Variants in H4C11 observed in about 807,000 individuals in gnomAD.
The protein encoded by H4C11 is H4 clustered histone 11, also known as histone H4.
Under a neutral mutation model 4.2 loss-of-function variants are expected in H4C11, and 1 was observed. The ratio of observed to expected loss-of-function variants is 0.24; its 90% CI spans 0.09 to 1.14. H4C11 has a LOEUF of 1.14. Ranked by LOEUF, H4C11 falls within the 50% of genes most tolerant of loss-of-function variation. The pLI, the probability that H4C11 is intolerant of heterozygous loss-of-function variation, is 0.52. For synonymous variants in H4C11, 95 were observed against 66.9 expected (o/e 1.42, Z -2.05); for missense variants, 73 against 157.7 (o/e 0.46, Z 2.88).
rs201673306 is a variant in H4C11 at position 27,824,447 on chromosome 6, C to T, written c.*11C>T. 2,073 of 1,606,854 alleles carry T rather than the reference C, an allele frequency of 1.3e-3. 5 individuals are homozygous for T. Among genetic ancestry groups the T allele is most frequent in the Non-Finnish European group, 1.5e-3 (1,821 of 1,177,384 alleles). On this transcript the variant is annotated 3_prime_UTR_variant, in exon 1 of 1. Transcript: ENST00000355057. ...GGTTTCGGTGGTTGAGCGTCCCTTTCTATCAATAAAAGGCCCTTTTCAGGG... is the reference window on the plus strand; with the variant it reads ...GGTTTCGGTGGTTGAGCGTCCCTTTTTATCAATAAAAGGCCCTTTTCAGGG...
rs189655103 is a variant in H4C11 at position 27,824,097 on chromosome 6, G to A, written c.-28G>A. 4.8e-3 allele frequency: 7,303 copies of A among 1,535,590 alleles called. 463 individuals carry two copies. Among genetic ancestry groups the A allele is most frequent in the South Asian group, 0.04 (3,267 of 81,032 alleles). On this transcript the variant is annotated 5_prime_UTR_variant, in exon 1 of 1. Transcript: ENST00000355057. ...TGCCTCAGGCCAGAGGCCTCACAAA[G>A]CGTTGGGTGAGACTCCTCTTGCTCG...
In H4C11 at chr6:27,824,109, A is replaced by T. The variant is rs370493679; in HGVS notation, c.-16A>T. On this transcript the variant is annotated 5_prime_UTR_variant, in exon 1 of 1. Transcript: ENST00000355057. ...GAGGCCTCACAAAGCGTTGGGTGAG[A>T]CTCCTCTTGCTCGTCATGTCTGGCC... is the stretch of plus-strand genomic sequence containing the variant. 1 of 1,542,082 alleles carries T rather than the reference A, an allele frequency of 6.5e-7. No individual in the cohort carries two copies. Among genetic ancestry groups the T allele is most frequent in the Non-Finnish European group, 8.8e-7 (1 of 1,141,260 alleles).
Position 27,824,349 on chromosome 6 carries a change from G to C in H4C11, c.225G>C (p.Glu75Asp). The stretch of plus-strand genomic sequence containing the variant: ...TCCGGGACGCCGTGACCTATACAGA[G>C]CACGCCAAGCGCAAGACGGTCACCG... ...NVIRDAVTYT[E>D]HAKRKTVTAM... Residue 75 changes from glutamate to aspartate, a missense_variant, in exon 1 of 1, where the codon GAG becomes GAC. Glu to Asp is a conservative substitution (Grantham distance 45, BLOSUM62 2). This residue lies in a region of H4C11 where 40 missense variants were observed against 78.3 expected (regional missense o/e 0.51). Coordinates refer to ENST00000355057, the MANE Select transcript of H4C11 (RefSeq NM_021968.4). 1 of 1,582,732 alleles carries C rather than the reference G, an allele frequency of 6.3e-7. No homozygotes were observed.
chr6:27,824,347 G>T lies in H4C11; in HGVS notation c.223G>T (p.Glu75Ter), dbSNP rs1760798519. ...NVIRDAVTYT[E>*]HAKRKTVTAM... is the part of the protein sequence containing the mutation. ...GATCCGGGACGCCGTGACCTATACA[G>T]AGCACGCCAAGCGCAAGACGGTCAC... Residue 75 changes from glutamate to a stop codon, truncating the protein, a stop_gained, in exon 1 of 1, where the codon GAG becomes TAG. Transcript: ENST00000355057. LOFTEE classifies it high-confidence loss of function. 6.3e-7 allele frequency: 1 copy of T among 1,584,194 alleles called. No homozygotes were observed. Among genetic ancestry groups the T allele is most frequent in the African/African-American group, 1.4e-5 (1 of 73,378 alleles).
At position 27,824,331 on chromosome 6, in the gene H4C11, C is replaced by T. The variant is rs368673524; in HGVS notation, c.207C>T (p.Asp69=). 28 of 1,590,926 alleles carry T rather than the reference C, an allele frequency of 1.8e-5. No individual in the cohort carries two copies. In the Middle Eastern group the frequency reaches 1.0e-3, roughly 58 times the overall value. The change falls in exon 1 of 1, where the codon GAC becomes GAT. Residue 69 remains aspartate (D), a synonymous_variant. Coordinates refer to ENST00000355057, the MANE Select transcript of H4C11 (RefSeq NM_021968.4). ...TGTTCCTGGAGAACGTGATCCGGGA[C>T]GCCGTGACCTATACAGAGCACGCCA... is the stretch of plus-strand genomic sequence containing the variant. ...LKVFLENVIR[D]AVTYTEHAKR...
Position 27,824,476 on chromosome 6 carries a change from C to A in H4C11, c.*40C>A. On this transcript the variant is annotated 3_prime_UTR_variant, in exon 1 of 1. Transcript: ENST00000355057. ...CAATAAAAGGCCCTTTTCAGGGCCACCCTACTTTCTCAGCTGAAGAGTGGT... is the reference window on the plus strand; with the variant it reads ...CAATAAAAGGCCCTTTTCAGGGCCAACCTACTTTCTCAGCTGAAGAGTGGT... 1 of 1,596,898 alleles carries A rather than the reference C, an allele frequency of 6.3e-7. No homozygotes were observed. Among genetic ancestry groups the A allele is most frequent in the African/African-American group, 1.3e-5 (1 of 74,212 alleles).
Position 27,824,473 on chromosome 6 carries a change from C to G in H4C11, c.*37C>G. ...TATCAATAAAAGGCCCTTTTCAGGG[C>G]CACCCTACTTTCTCAGCTGAAGAGT... On this transcript the variant is annotated 3_prime_UTR_variant, in exon 1 of 1. Coordinates refer to ENST00000355057, the MANE Select transcript of H4C11 (RefSeq NM_021968.4). 1 of 1,598,918 alleles carries G rather than the reference C, an allele frequency of 6.3e-7. No individual in the cohort carries two copies. The highest frequency in any genetic ancestry group is 8.5e-7 in the Non-Finnish European group (1 of 1,173,706).
At position 27,824,360 on chromosome 6, in the gene H4C11, G is replaced by C. The variant is rs1760799024; in HGVS notation, c.236G>C (p.Arg79Pro). ...DAVTYTEHAK[R>P]KTVTAMDVVY... ...GTGACCTATACAGAGCACGCCAAGC[G>C]CAAGACGGTCACCGCCATGGATGTG... Residue 79 changes from arginine (R) to proline (P), a missense_variant, in exon 1 of 1, where the codon CGC (arginine) becomes CCC (proline). Physicochemically the swap from Arg to Pro is moderately radical, Grantham distance 103. Coordinates refer to ENST00000355057, the MANE Select transcript of H4C11 (RefSeq NM_021968.4). The C allele has an allele frequency of 6.4e-7, 1 of 1,569,696 alleles. No individual in the cohort carries two copies. Among genetic ancestry groups the C allele is most frequent in the South Asian group, 1.2e-5 (1 of 83,078 alleles).
At position 27,824,311 on chromosome 6, in the gene H4C11, C is replaced by T. The variant is rs1007061623; in HGVS notation, c.187C>T (p.Leu63=). The part of the protein sequence containing the change: ...EETRGVLKVF[L]ENVIRDAVTY... Reference sequence around the variant, plus strand: ...GACTCGCGGGGTGCTGAAGGTGTTCCTGGAGAACGTGATCCGGGACGCCGT... The same window carrying T: ...GACTCGCGGGGTGCTGAAGGTGTTCTTGGAGAACGTGATCCGGGACGCCGT... The change falls in exon 1 of 1, where the codon CTG becomes TTG. Residue 63 remains leucine, a synonymous_variant. Transcript: ENST00000355057. 1.3e-6 allele frequency: 2 copies of T among 1,593,862 alleles called. No homozygotes were observed. Among genetic ancestry groups the T allele is most frequent in the Non-Finnish European group, 1.7e-6 (2 of 1,168,592 alleles).
chr6:27,824,466 T>G lies in H4C11; in HGVS notation c.*30T>G. On this transcript the variant is annotated 3_prime_UTR_variant, in exon 1 of 1. Transcript: ENST00000355057. ...CCCTTTCTATCAATAAAAGGCCCTT[T>G]TCAGGGCCACCCTACTTTCTCAGCT... The G allele has an allele frequency of 6.2e-7, 1 of 1,604,118 alleles. No homozygotes were observed. Among genetic ancestry groups the G allele is most frequent in the Non-Finnish European group, 8.5e-7 (1 of 1,175,900 alleles).
At position 27,824,462 on chromosome 6, in the gene H4C11, C is replaced by G; in HGVS notation, c.*26C>G. On this transcript the variant is annotated 3_prime_UTR_variant, in exon 1 of 1. Coordinates refer to ENST00000355057, the MANE Select transcript of H4C11 (RefSeq NM_021968.4). Reference sequence around the variant, plus strand: ...GCGTCCCTTTCTATCAATAAAAGGCCCTTTTCAGGGCCACCCTACTTTCTC... The same window carrying G: ...GCGTCCCTTTCTATCAATAAAAGGCGCTTTTCAGGGCCACCCTACTTTCTC... 6.2e-7 allele frequency: 1 copy of G among 1,606,020 alleles called. No homozygotes were observed. Among genetic ancestry groups the G allele is most frequent in the Non-Finnish European group, 8.5e-7 (1 of 1,176,792 alleles).
rs746478539 is a variant in H4C11 at position 27,824,211 on chromosome 6, C to T, written c.87C>T (p.Gly29=). 171 of 1,555,584 alleles carry T rather than the reference C, an allele frequency of 1.1e-4. No individual in the cohort carries two copies. The Middle Eastern group carries it at 1.8e-3, about 17-fold the overall frequency. ...AAGTACTGCGCGACAATATCCAGGG[C>T]ATCACCAAGCCGGCCATCCGGCGCC... is the stretch of plus-strand genomic sequence containing the variant. ...HRKVLRDNIQ[G]ITKPAIRRLA... is the part of the protein sequence containing the mutation. The change falls in exon 1 of 1, where the codon GGC becomes GGT. Residue 29 remains glycine, a synonymous_variant. Coordinates refer to ENST00000355057, the MANE Select transcript of H4C11 (RefSeq NM_021968.4).
rs1760794839 is a variant in H4C11, at chr6:27,824,259, G to A, written c.135G>A (p.Lys45=). Residue 45 remains lysine (K), a synonymous_variant, in exon 1 of 1, where the codon AAG becomes AAA. Coordinates refer to ENST00000355057, the MANE Select transcript of H4C11 (RefSeq NM_021968.4). ...GCCTTGCTCGCCGCGGCGGCGTGAA[G>A]CGCATCTCCGGCCTCATCTACGAGG... ...IRRLARRGGV[K]RISGLIYEET... 10 of 1,582,690 alleles carry A rather than the reference G, an allele frequency of 6.3e-6. No homozygotes were observed. The highest frequency in any genetic ancestry group is 3.6e-5 in the Admixed American group (2 of 54,802).
At position 27,824,460 on chromosome 6, in the gene H4C11, G is replaced by T; in HGVS notation, c.*24G>T. The T allele has an allele frequency of 1.9e-6, 3 of 1,606,424 alleles. No homozygotes were observed. The highest frequency in any genetic ancestry group is 2.5e-6 in the Non-Finnish European group (3 of 1,176,946). ...GAGCGTCCCTTTCTATCAATAAAAG[G>T]CCCTTTTCAGGGCCACCCTACTTTC... On this transcript the variant is annotated 3_prime_UTR_variant, in exon 1 of 1. Coordinates refer to ENST00000355057, the MANE Select transcript of H4C11 (RefSeq NM_021968.4).
At position 27,824,291 on chromosome 6, in the gene H4C11, G is replaced by A. The variant is rs368683667; in HGVS notation, c.167G>A (p.Arg56His). 2.5e-6 allele frequency: 4 copies of A among 1,590,296 alleles called. No individual in the cohort carries two copies. Among genetic ancestry groups the A allele is most frequent in the African/African-American group, 1.4e-5 (1 of 73,778 alleles). ...TCCGGCCTCATCTACGAGGAGACTC[G>A]CGGGGTGCTGAAGGTGTTCCTGGAG... ...RISGLIYEET[R>H]GVLKVFLENV... The change falls in exon 1 of 1, where the codon CGC (arginine) becomes CAC (histidine). Residue 56 changes from arginine (R) to histidine (H), a missense_variant. Arg to His is a conservative substitution (Grantham distance 29, BLOSUM62 0). This residue lies in a region of H4C11 where 40 missense variants were observed against 78.3 expected (regional missense o/e 0.51). Coordinates refer to ENST00000355057, the MANE Select transcript of H4C11 (RefSeq NM_021968.4).
rs757826725 is a variant in H4C11 at position 27,824,182 on chromosome 6, C to T, written c.58C>T (p.Arg20Cys). Residue 20 changes from arginine to cysteine, a missense_variant, in exon 1 of 1, where the codon CGT becomes TGT. Transcript: ENST00000355057. ...TGGCAAAGGCGGCGCTAAGCGCCAC[C>T]GTAAAGTACTGCGCGACAATATCCA... Reference protein sequence around the residue: ...GLGKGGAKRHRKVLRDNIQGI... With the variant: ...GLGKGGAKRHCKVLRDNIQGI... 4 of 1,517,496 alleles carry T rather than the reference C, an allele frequency of 2.6e-6. No homozygotes were observed. Among genetic ancestry groups the T allele is most frequent in the Admixed American group, 2.3e-5 (1 of 44,072 alleles). The allele number at this position is 1,517,496 out of a possible 1,614,324, so 94.0% of individuals were successfully genotyped here.
rs769710695 is a variant in H4C11, at chr6:27,824,473, C to A, written c.*37C>A. ...TATCAATAAAAGGCCCTTTTCAGGGCCACCCTACTTTCTCAGCTGAAGAGT... is the reference window on the plus strand; with the variant it reads ...TATCAATAAAAGGCCCTTTTCAGGGACACCCTACTTTCTCAGCTGAAGAGT... On this transcript the variant is annotated 3_prime_UTR_variant, in exon 1 of 1. Coordinates refer to ENST00000355057, the MANE Select transcript of H4C11 (RefSeq NM_021968.4). The A allele has an allele frequency of 3.1e-6, 5 of 1,598,918 alleles. No individual in the cohort carries two copies. Among genetic ancestry groups the A allele is most frequent in the Admixed American group, 1.8e-5 (1 of 56,676 alleles).
chr6:27,824,121 C>T lies in H4C11; in HGVS notation c.-4C>T, dbSNP rs773234876. 3.2e-5 allele frequency: 49 copies of T among 1,543,880 alleles called. 1 individual carries two copies. In the Middle Eastern group the frequency reaches 8.8e-4, roughly 28 times the overall value. On this transcript the variant is annotated 5_prime_UTR_variant, in exon 1 of 1. Transcript: ENST00000355057. ...AGCGTTGGGTGAGACTCCTCTTGCT[C>T]GTCATGTCTGGCCGCGGCAAAGGCG...
rs766209909 is a variant in H4C11 at position 27,824,124 on chromosome 6, C to T, written c.-1C>T. On this transcript the variant is annotated 5_prime_UTR_variant, in exon 1 of 1. Coordinates refer to ENST00000355057, the MANE Select transcript of H4C11 (RefSeq NM_021968.4). ...GTTGGGTGAGACTCCTCTTGCTCGT[C>T]ATGTCTGGCCGCGGCAAAGGCGGGA... 2.4e-5 allele frequency: 37 copies of T among 1,543,012 alleles called. No homozygotes were observed. The highest frequency in any genetic ancestry group is 4.2e-5 in the African/African-American group (3 of 71,288).
Sources: gnomAD v4.1 joint callset for allele counts on GRCh38, gnomAD v4.1.1 for gene constraint, gnomAD v4.1.1 regional missense constraint, MANE v1.5 for transcripts, NCBI Gene and HGNC (gene_info 2026-07-23, HGNC 2026-07-21) for gene names.